ROS1: variants seen among roughly 807,000 people sequenced by gnomAD.
The protein encoded by ROS1 is proto-oncogene tyrosine-protein kinase ROS.
Under a neutral mutation model 273.5 loss-of-function variants are expected in ROS1, and 263 were observed. The observed-to-expected ratio is 0.96, with a 90% CI of 0.87 to 1.06. The LOEUF (loss-of-function observed/expected upper bound fraction) is 1.06, where lower values mean the gene tolerates loss of function less well. Ranked by LOEUF, ROS1 falls within the 50% of genes least tolerant of loss-of-function variation. The pLI is 0.00. For missense variants in ROS1, 2,833 were observed against 2,751.1 expected, an observed-to-expected ratio of 1.03 and a Z score of -0.67; for synonymous variants, 1,008 against 954.1, an observed-to-expected ratio of 1.06 and a Z score of -1.04.
chr6:117,303,484 A>AG, intron 42 of ROS1, among the ~76,000 whole-genome samples: 1 of 152,298 alleles, frequency 6.6e-6, no homozygotes, highest in African/African-American at 2.4e-5. Flanking sequence ...AAGTGGGGAA[A>AG]GCATGTGTAA....
At chr6:117,341,071 G>T in intron 31 of ROS1, 64 bp downstream of exon 31, 3 of 992,060 alleles carry the variant, frequency 3.0e-6, no homozygotes, top group Non-Finnish European at 4.6e-6. Context: ...TGTTCTAGAT[G>T]CATGAAAAAG....
chr6:117,390,835 A>C (rs2128706964), intron 12 of ROS1, among the ~76,000 whole-genome samples: 1 of 152,360 alleles, frequency 6.6e-6, no homozygotes, highest in Non-Finnish European at 1.5e-5. Context: ...CCTCACAGTA[A>C]CGAGGCAGGT....
chr6:117,342,599 G>T, intron 28 of ROS1, 55 bp from the exon 29 acceptor site: 2 of 1,123,054 alleles, frequency 1.8e-6, no homozygotes, highest in South Asian at 1.7e-5. Context: ...TATACAAATT[G>T]GTAGAAATTA....
chr6:117,304,306 ATAAAG>A (rs761068518), intron 42 of ROS1, among the ~76,000 whole-genome samples: 7 of 152,264 alleles, frequency 4.6e-5, no homozygotes, highest in Non-Finnish European at 7.3e-5. Flanking sequence ...AATTTAAAAA[ATAAAG>A]TAGAGTTTTG....
chr6:117,417,546 C>T (rs1775427811), intron 2 of ROS1, among the ~76,000 whole-genome samples: 1 of 152,182 alleles, frequency 6.6e-6, no homozygotes, highest in Non-Finnish European at 1.5e-5. Context: ...CTCTGTATGT[C>T]TTTCCAACAA....
chr6:117,290,921 C>T (rs1481721878), intron 43 of ROS1, among the ~76,000 whole-genome samples: 1 of 152,154 alleles, frequency 6.6e-6, no homozygotes, highest in Non-Finnish European at 1.5e-5. Context: ...TATTGCTTTG[C>T]TAAATATGCC....
In ROS1 at chr6:117,389,415, G is replaced by C. The variant is rs142303126; in HGVS notation, c.1721C>G (p.Ser574Trp). ...AGCCTGGTGAGAGCCAAACAGCACC[G>C]AAAGCTCCTGCGGGCGGCCTGGCAG... ...HPLPGRPQEL[S>W]VLFGSHQALV... Residue 574 changes from serine to tryptophan, a missense_variant, in exon 13 of 44, where the codon TCG becomes TGG. By Grantham distance (177) the Ser-to-Trp change is radical (BLOSUM62 -3). Coordinates refer to ENST00000368507, the MANE Select transcript of ROS1 (RefSeq NM_001378902.1). The C allele has an allele frequency of 1.2e-6, 2 of 1,614,152 alleles. No individual in the cohort carries two copies. The highest frequency in any genetic ancestry group is 1.7e-6 in the Non-Finnish European group (2 of 1,180,034).
At position 117,310,063 on chromosome 6, in the gene ROS1, G is replaced by C. The variant is rs751293087; in HGVS notation, c.6416+18C>G. On this transcript the variant is annotated intron_variant, in intron 41 of 43. Transcript: ENST00000368507. The stretch of plus-strand genomic sequence containing the variant: ...TTGATGATTCTGTCAGCATTACTCT[G>C]TGTCCCGTTAAACTTACCATACATC... 4.4e-6 allele frequency: 7 copies of C among 1,597,906 alleles called. No individual in the cohort carries two copies. The highest frequency in any genetic ancestry group is 1.7e-4 in the Middle Eastern group (1 of 5,850).
chr6:117,401,007 C>T (rs1773889528), intron 7 of ROS1, among the ~76,000 whole-genome samples: 1 of 152,184 alleles, frequency 6.6e-6, no homozygotes, highest in African/African-American at 2.4e-5. Context: ...AAAGCCACTC[C>T]TCCTTTACCC....
intron 28 of ROS1, 74 bp from the exon 29 acceptor site, chr6:117,342,618 AAGAG>A (rs772859931): frequency 2.4e-5 from 24 of 1,004,782 alleles, no homozygotes; most frequent in Non-Finnish European, 3.1e-5. Flanking sequence ...TATTTAATCA[AAGAG>A]AGAACAAAGT....
chr6:117,388,818 A>G (rs1483465143), intron 13 of ROS1, among the ~76,000 whole-genome samples: 1 of 152,218 alleles, frequency 6.6e-6, no homozygotes, highest in Non-Finnish European at 1.5e-5. Context: ...TATAATAAAT[A>G]TTCCCCATTT....
Position 117,344,279 on chromosome 6 carries a change from C to G in ROS1, c.4304-17G>C. 1 of 1,584,344 alleles carries G rather than the reference C, an allele frequency of 6.3e-7. No homozygotes were observed. ...ACGCTTTATCTAAAATAAGAAGAAA[C>G]CAAAAGATTAAATATCTATACTATA... On this transcript the variant is annotated splice_polypyrimidine_tract_variant and intron_variant, in intron 27 of 43. Transcript: ENST00000368507.
intron 42 of ROS1, 70 bp downstream of exon 42, chr6:117,308,724 C>G (rs2128545629): frequency 6.8e-7 from 1 of 1,461,670 alleles, no homozygotes; most frequent in East Asian, 2.3e-5. Flanking sequence ...CAAACTATAT[C>G]AAGAGGCCTA....
chr6:117,339,766 A>G (rs1243813258), intron 31 of ROS1, among the ~76,000 whole-genome samples: 2 of 152,166 alleles, frequency 1.3e-5, no homozygotes, highest in East Asian at 3.9e-4. Flanking sequence ...GCACTGCATG[A>G]AAGTCATGAG....
intron 35 of ROS1, among the ~76,000 whole-genome samples, chr6:117,323,413 A>G (rs887646631): frequency 3.3e-5 from 5 of 152,018 alleles, no homozygotes; most frequent in South Asian, 2.1e-4. Flanking sequence ...ACTTACCCCT[A>G]CTTGTGAACA....
At chr6:117,314,561 CAAAT>C (rs968555774) in intron 39 of ROS1, among the ~76,000 whole-genome samples, 1 of 152,064 alleles carries the variant, frequency 6.6e-6, no homozygotes, top group African/African-American at 2.4e-5. Context: ...AGAAAACAAA[CAAAT>C]AAAAACAACA....
chr6:117,416,391 T>C (rs1775336302), intron 2 of ROS1, 74 bp from the exon 3 acceptor site: 2 of 972,036 alleles, frequency 2.1e-6, no homozygotes, highest in Non-Finnish European at 3.3e-6. Flanking sequence ...GAAAGTACAA[T>C]GTAGTAACAA....
intron 42 of ROS1, among the ~76,000 whole-genome samples, chr6:117,303,923 T>C (rs1384509010): frequency 1.3e-5 from 2 of 152,182 alleles, no homozygotes; most frequent in Non-Finnish European, 2.9e-5. Flanking sequence ...TATAATGCAA[T>C]CTCCATTCCA....
At chr6:117,336,523 A>G (rs12199518) in intron 32 of ROS1, among the ~76,000 whole-genome samples, 13,113 of 152,260 alleles carry the variant, frequency 0.086, 661 homozygotes, top group South Asian at 0.18. Context: ...TTATGGCTGC[A>G]TAGTATGCCA....
Sources: allele counts gnomAD v4.1 joint callset (sites outside exome capture counted in the v4.1 genomes callset), GRCh38; gene constraint gnomAD v4.1.1; transcripts MANE v1.5; gene names NCBI Gene and HGNC (gene_info 2026-07-23, HGNC 2026-07-21).